The following ZNF37A variants were observed in gnomAD, a reference collection of about 807,000 sequenced individuals.
ZNF37A encodes zinc finger protein 37A, also known as zinc finger protein 37a (KOX 21).
ZNF37A carries 10 observed loss-of-function variants against 12.3 expected under a neutral mutation model. The ratio of observed to expected loss-of-function variants is 0.82; its 90% CI spans 0.50 to 1.38. The LOEUF (loss-of-function observed/expected upper bound fraction) is 1.38. ZNF37A is among the 40% of genes most tolerant of loss of function. The pLI is 0.00. For synonymous variants in ZNF37A, 207 were observed against 223.0 expected (o/e 0.93, Z 0.64); for missense variants, 580 against 651.2 (o/e 0.89, Z 1.19).
At chr10:38,125,017 C>A (rs1041956436), downstream of ZNF37A, 11 of 152,076 alleles carry the variant, frequency 7.2e-5, no homozygotes, top group African/African-American at 2.4e-4. Context: ...TATATAAAGC[C>A]TCTACTCATC....
intron 5 of ZNF37A, among the ~76,000 whole-genome samples, chr10:38,111,497 C>A (rs1388238941): frequency 6.6e-6 from 1 of 151,428 alleles, no homozygotes; most frequent in Admixed American, 6.6e-5. Context: ...AAAAAAAAAA[C>A]TGTTGACTGT....
At chr10:38,133,175 T>C (rs2070056544) in intron 7 of ZNF37A, among the ~76,000 whole-genome samples, 1 of 152,222 alleles carries the variant, frequency 6.6e-6, no homozygotes, top group Non-Finnish European at 1.5e-5. Flanking sequence ...AAGTCTCCTG[T>C]AGATTTTGTA....
chr10:38,114,229 C>T (rs531814686), intron 5 of ZNF37A, among the ~76,000 whole-genome samples: 5 of 152,158 alleles, frequency 3.3e-5, no homozygotes, highest in Non-Finnish European at 7.3e-5. Context: ...TTAAGCAGTT[C>T]CACTGACTTG....
At chr10:38,112,797 T>TCTCA (rs1564932680) in intron 5 of ZNF37A, among the ~76,000 whole-genome samples, 1 of 57,540 alleles carries the variant, frequency 1.7e-5, no homozygotes, top group Admixed American at 2.1e-4. Flanking sequence ...TTTCTTTTCT[T>TCTCA]GTCTTGTCTT....
rs575138098 is a variant in ZNF37A, at chr10:38,134,697, G to A, written c.239-12035G>A. On this transcript the variant is annotated intron_variant, in intron 7 of 7. Coordinates refer to the ZNF37A transcript ENST00000638053. ...CACCTGGCCGTATGAGGTGTCAGTC[G>A]GCCCCTACTGGGAGGTGCCTCCCAG... Among the ~76,000 whole-genome samples the A allele has an allele frequency of 4.6e-5, 7 of 152,266 alleles. No homozygotes were observed. The South Asian group carries it at 8.3e-4, about 18-fold the overall frequency.
intron 5 of ZNF37A, among the ~76,000 whole-genome samples, chr10:38,114,232 C>T (rs1181082300): frequency 2.0e-5 from 3 of 152,196 alleles, no homozygotes; most frequent in Admixed American, 1.3e-4. Flanking sequence ...AGCAGTTCCA[C>T]TGACTTGCCA....
downstream of ZNF37A, chr10:38,124,855 T>C (rs543985809): frequency 6.6e-6 from 1 of 152,348 alleles, no homozygotes; most frequent in East Asian, 1.9e-4. Flanking sequence ...TATAAATTTA[T>C]GTGGACATTC....
chr10:38,141,548 A>T (rs2070183971), intron 7 of ZNF37A: 1 of 152,222 alleles, frequency 6.6e-6, no homozygotes, highest in Non-Finnish European at 1.5e-5. Flanking sequence ...CTAACACATC[A>T]TGATGAGCAA....
At chr10:38,098,044 T>C (rs2067286418) in intron 5 of ZNF37A, among the ~76,000 whole-genome samples, 1 of 152,352 alleles carries the variant, frequency 6.6e-6, no homozygotes, top group Middle Eastern at 3.4e-3. Context: ...GTTTTAGATA[T>C]GGCATACAAA....
Position 38,119,927 on chromosome 10 carries a change from G to A in ZNF37A, c.*1090G>A, listed in dbSNP as rs2069592053. The A allele has an allele frequency of 6.6e-6, 1 of 152,182 alleles. No individual in the cohort carries two copies. The allele number at this position is 152,182 out of a possible 1,614,324, so 9.4% of individuals were successfully genotyped here. A position where few individuals can be genotyped will look rare whatever the true frequency, so the allele number is the denominator to read the frequency against. On this transcript the variant is annotated 3_prime_UTR_variant, in exon 8 of 8. Transcript: ENST00000685332. ...AGCAGCAAGTCAATTTGCCTTGTATGCAACTTATGAGGATTAGTAGAAGAG... is the reference window on the plus strand; with the variant it reads ...AGCAGCAAGTCAATTTGCCTTGTATACAACTTATGAGGATTAGTAGAAGAG...
In ZNF37A at chr10:38,122,085, A is replaced by C. The variant is rs1133875; in HGVS notation, c.*3248A>C. ...CAATTGTCTCTACAAAAAATACAAAAATTAGCCAGGCATGGTGGCATGCAC... is the reference window on the plus strand; with the variant it reads ...CAATTGTCTCTACAAAAAATACAAACATTAGCCAGGCATGGTGGCATGCAC... On this transcript the variant is annotated 3_prime_UTR_variant, in exon 8 of 8. Transcript: ENST00000685332. 2 of 152,196 alleles carry C rather than the reference A, an allele frequency of 1.3e-5. No individual in the cohort carries two copies. Among genetic ancestry groups the C allele is most frequent in the Non-Finnish European group, 2.9e-5 (2 of 68,134 alleles). 9.4% of individuals were successfully genotyped at this position (152,196 alleles called of 1,614,324 possible). A position where few individuals can be genotyped will look rare whatever the true frequency, so the allele number is the denominator to read the frequency against.
chr10:38,141,053 G>A (rs1361084521), intron 7 of ZNF37A: 4 of 152,134 alleles, frequency 2.6e-5, no homozygotes, highest in Non-Finnish European at 4.4e-5. Flanking sequence ...GATCCAATGA[G>A]GGACCCATAT....
chr10:38,134,681 G>A (rs971678785), intron 7 of ZNF37A, among the ~76,000 whole-genome samples: 9 of 152,160 alleles, frequency 5.9e-5, no homozygotes, highest in African/African-American at 1.9e-4. Context: ...GCACCTGGCC[G>A]TATGAGGTGT....
intron 7 of ZNF37A, among the ~76,000 whole-genome samples, chr10:38,130,994 T>C (rs2070019166): frequency 1.3e-5 from 2 of 152,244 alleles, no homozygotes; most frequent in African/African-American, 4.8e-5. Flanking sequence ...GTCATTTGTG[T>C]ATATTCTTTG....
downstream of ZNF37A, among the ~76,000 whole-genome samples, chr10:38,126,048 C>G (rs2069920802): frequency 1.3e-5 from 2 of 152,178 alleles, no homozygotes; most frequent in South Asian, 4.1e-4. Context: ...TCCCCATGAT[C>G]ACCTCCCACC....
rs2069504887 is a variant in ZNF37A, at chr10:38,118,756, G to A, written c.1605G>A (p.Lys535=). Residue 535 remains lysine, a synonymous_variant, in exon 8 of 8, where the codon AAG becomes AAA. Transcript: ENST00000685332. The stretch of plus-strand genomic sequence containing the variant: ...TTTGTGGAAAATCATTCTATGTTAA[G>A]TCAAAACTAACTGTACATCAGAGAA... ...CNVCGKSFYV[K]SKLTVHQRIH... 1.9e-6 allele frequency: 3 copies of A among 1,613,304 alleles called. No individual in the cohort carries two copies. The highest frequency in any genetic ancestry group is 1.7e-6 in the Non-Finnish European group (2 of 1,179,690).
downstream of ZNF37A, among the ~76,000 whole-genome samples, chr10:38,125,695 C>T (rs1347933448): frequency 6.6e-6 from 1 of 152,098 alleles, no homozygotes; most frequent in Admixed American, 6.5e-5. Context: ...CTCAATTTTC[C>T]TATACAATTG....
intron 7 of ZNF37A, chr10:38,138,908 A>G (rs1371342148): frequency 6.6e-6 from 1 of 152,190 alleles, no homozygotes; most frequent in Admixed American, 6.5e-5. Context: ...AAATATCCAT[A>G]AAGGTCCTCC....
chr10:38,137,393 G>A (rs1210641091), intron 7 of ZNF37A: 1 of 152,216 alleles, frequency 6.6e-6, no homozygotes, highest in African/African-American at 2.4e-5. Context: ...TCCCTAGGCA[G>A]GTATGTTGGC....
Sources: allele counts gnomAD v4.1 joint callset (sites outside exome capture counted in the v4.1 genomes callset), GRCh38; gene constraint gnomAD v4.1.1; transcripts MANE v1.5; gene names NCBI Gene and HGNC (gene_info 2026-07-23, HGNC 2026-07-21).